Variants in PIWIL3 observed in about 807,000 individuals in gnomAD.
PIWIL3 encodes the protein piwi-like protein 3.
A neutral mutation model predicts 109.7 loss-of-function variants in PIWIL3; 101 were observed. The observed-to-expected ratio is 0.92, with a 90% confidence interval of 0.78 to 1.09. PIWIL3 has a LOEUF of 1.09. Ranked by LOEUF, PIWIL3 falls within the 50% of genes least tolerant of loss-of-function variation. The probability of loss-of-function intolerance (pLI) is 0.00; values close to 1 mark genes in which losing one functional copy is unlikely to be tolerated. For missense variants in PIWIL3, 1,031 were observed against 1,072.6 expected (o/e 0.96, Z 0.54); for synonymous variants, 373 against 376.4 (o/e 0.99, Z 0.10).
chr22:24,736,990 A>G (rs576192444), intron 12 of PIWIL3, among the ~76,000 whole-genome samples: 1 of 152,154 alleles, frequency 6.6e-6, no homozygotes, highest in Non-Finnish European at 1.5e-5. Flanking sequence ...GAACCTGAGA[A>G]ACAGTTTAGG....
rs774391915 is a variant in PIWIL3, at chr22:24,754,829, C to T, written c.728G>A (p.Arg243His). 6.5e-5 allele frequency: 105 copies of T among 1,612,858 alleles called. 1 individual carries two copies. In the South Asian group the frequency reaches 7.9e-4, roughly 12 times the overall value. ...GGCCTTCTTTTTGGTATAATAGTTG[C>T]GACCAACTTGTTCAAAATCCAGCAG... ...FKLLDFEQVG[R>H]NYYTKKKAIQ... The change falls in exon 7 of 21, where the codon CGC (arginine) becomes CAC (histidine). Residue 243 changes from arginine (R) to histidine (H), a missense_variant. By Grantham distance (29) the Arg-to-His change is conservative. Transcript: ENST00000616349.
At position 24,754,889 on chromosome 22, in the gene PIWIL3, G is replaced by T. The variant is rs752221922; in HGVS notation, c.693-25C>A. 2.5e-6 allele frequency: 4 copies of T among 1,588,886 alleles called. No individual in the cohort carries two copies. In the South Asian group the frequency reaches 3.3e-5, roughly 13 times the overall value. On this transcript the variant is annotated intron_variant, in intron 6 of 20. Coordinates refer to ENST00000616349, the MANE Select transcript of PIWIL3 (RefSeq NM_001255975.1). ...TCTGGAAATGGAAAGAATAGATTTT[G>T]TTGAAAGTACAGGGTACATTATTAA...
At chr22:24,731,695 T>C (rs1177402791) in intron 14 of PIWIL3, among the ~76,000 whole-genome samples, 1 of 151,608 alleles carries the variant, frequency 6.6e-6, no homozygotes, top group Non-Finnish European at 1.5e-5. Context: ...TTTAGATAAA[T>C]GCACACTTAG....
chr22:24,755,926 A>C (rs778683426), intron 5 of PIWIL3, 21 bp from the exon 6 acceptor site: 15 of 1,596,560 alleles, frequency 9.4e-6, no homozygotes, highest in Middle Eastern at 1.7e-4. Context: ...AAAAAAACAA[A>C]AAAAAAAGTC....
Position 24,754,084 on chromosome 22 carries a change from C to CAGAT in PIWIL3, c.903_906dup (p.Ala303IlefsTer15). 1 of 1,613,144 alleles carries CAGAT rather than the reference C, an allele frequency of 6.2e-7. No homozygotes were observed. Among genetic ancestry groups the CAGAT allele is most frequent in the South Asian group, 1.1e-5 (1 of 91,052 alleles). The stretch of plus-strand genomic sequence containing the variant: ...CGGATGTTTCCTGTCTGGGCCTGGG[C>CAGAT]AGATGTTCTCTTTATGAAATCATAA... On this transcript the variant is annotated frameshift_variant, in exon 8 of 21. Transcript: ENST00000616349. LOFTEE classifies it high-confidence loss of function.
At position 24,760,803 on chromosome 22, in the gene PIWIL3, A is replaced by AAAAAAAAAAAAT. The variant is rs1925389502; in HGVS notation, c.103-815_103-814insATTTTTTTTTTT. Among the ~76,000 whole-genome samples the AAAAAAAAAAAAT allele has an allele frequency of 2.7e-5, 4 of 146,870 alleles. No homozygotes were observed. In the South Asian group the frequency reaches 6.8e-4, roughly 25 times the overall value. On this transcript the variant is annotated intron_variant, in intron 2 of 20. Coordinates refer to ENST00000616349, the MANE Select transcript of PIWIL3 (RefSeq NM_001255975.1). ...CTCAAAAAAAAAAAAAAAAAAAAAA[A>AAAAAAAAAAAAT]GCTGTGACAGGATACCAGGCAGAGG...
chr22:24,762,806 C>G (rs539861003), intron 1 of PIWIL3, among the ~76,000 whole-genome samples: 1 of 152,266 alleles, frequency 6.6e-6, no homozygotes, highest in Admixed American at 6.5e-5. Context: ...ACTCTAACAA[C>G]CAGCTCAGGC....
chr22:24,771,468 C>T (rs1265424205), intron 1 of PIWIL3, among the ~76,000 whole-genome samples: 2 of 126,080 alleles, frequency 1.6e-5, no homozygotes, highest in Non-Finnish European at 1.7e-5. Context: ...CAGTGCAAGA[C>T]TCCATCTCAA....
chr22:24,729,091 C>A (rs1923174201), intron 14 of PIWIL3, among the ~76,000 whole-genome samples: 1 of 152,164 alleles, frequency 6.6e-6, no homozygotes, highest in Admixed American at 6.5e-5. Flanking sequence ...ACAGTGCGGA[C>A]TCCATGGGAA....
At chr22:24,746,229 TTCA>T (rs1313539095) in intron 12 of PIWIL3, among the ~76,000 whole-genome samples, 3 of 152,122 alleles carry the variant, frequency 2.0e-5, no homozygotes, top group African/African-American at 7.2e-5. Flanking sequence ...GTAAAAAAAG[TTCA>T]TCACCAAGTG....
At chr22:24,746,754 T>C (rs1391994227) in intron 12 of PIWIL3, among the ~76,000 whole-genome samples, 1 of 151,608 alleles carries the variant, frequency 6.6e-6, no homozygotes, top group East Asian at 1.9e-4. Context: ...CCATTTACAA[T>C]AGATAAAAAT....
At chr22:24,758,622 A>G (rs1471653892) in intron 3 of PIWIL3, among the ~76,000 whole-genome samples, 1 of 152,184 alleles carries the variant, frequency 6.6e-6, no homozygotes, top group African/African-American at 2.4e-5. Context: ...AATCCCGTAC[A>G]CCTAAATGGC....
chr22:24,762,335 C>A, intron 2 of PIWIL3, 63 bp downstream of exon 2: 1 of 1,552,404 alleles, frequency 6.4e-7, no homozygotes, highest in South Asian at 1.2e-5. Flanking sequence ...ACAACCAACT[C>A]TATGTTCTTT....
intron 1 of PIWIL3, among the ~76,000 whole-genome samples, chr22:24,768,977 T>C (rs1227010962): frequency 1.3e-5 from 2 of 152,196 alleles, no homozygotes; most frequent in Non-Finnish European, 2.9e-5. Flanking sequence ...TGTCTGTGCC[T>C]GGGACAAAGA....
At chr22:24,735,386 TCTC>T (rs1244245117) in intron 13 of PIWIL3, among the ~76,000 whole-genome samples, 1 of 152,178 alleles carries the variant, frequency 6.6e-6, no homozygotes, top group African/African-American at 2.4e-5. Context: ...AAGTCTCTAA[TCTC>T]CTCTTACTTT....
At chr22:24,769,101 G>A (rs1477103965) in intron 1 of PIWIL3, among the ~76,000 whole-genome samples, 5 of 152,152 alleles carry the variant, frequency 3.3e-5, no homozygotes, top group African/African-American at 1.2e-4. Flanking sequence ...CAAAATCTGT[G>A]GATGCTCAAG....
rs760390299 is a variant in PIWIL3 at position 24,749,789 on chromosome 22, G to A, written c.1120C>T (p.Gln374Ter). ...QHKEIVTVKK[Q>*]PLLVSQGRWK... is the part of the protein sequence containing the mutation. Reference sequence around the variant, plus strand: ...CTGCCCTGGCTGACCAAAAGTGGCTGTTTCTTCACTGTGACAATTTCTTTA... The same window carrying A: ...CTGCCCTGGCTGACCAAAAGTGGCTATTTCTTCACTGTGACAATTTCTTTA... Residue 374 changes from glutamine (Q) to a stop codon, truncating the protein, a stop_gained, in exon 10 of 21, where the codon CAG becomes TAG. Coordinates refer to ENST00000616349, the MANE Select transcript of PIWIL3 (RefSeq NM_001255975.1). LOFTEE classifies it high-confidence loss of function. The A allele has an allele frequency of 6.2e-7, 1 of 1,613,952 alleles. No individual in the cohort carries two copies. Among genetic ancestry groups the A allele is most frequent in the Non-Finnish European group, 8.5e-7 (1 of 1,179,986 alleles).
chr22:24,761,371 G>A (rs1035893424), intron 2 of PIWIL3, among the ~76,000 whole-genome samples: 5 of 152,284 alleles, frequency 3.3e-5, no homozygotes, highest in African/African-American at 4.8e-5. Flanking sequence ...AACGCCAAGC[G>A]GAGGGAGTTG....
chr22:24,722,244 G>A lies in PIWIL3; in HGVS notation c.2357+886C>T, dbSNP rs937098611. On this transcript the variant is annotated intron_variant, in intron 19 of 20. Coordinates refer to ENST00000616349, the MANE Select transcript of PIWIL3 (RefSeq NM_001255975.1). ...ACTACAGGTGCCCGCCACCATGCCC[G>A]GCTAATTTTTTGTATTTTTAGTGGA... is the stretch of plus-strand genomic sequence containing the variant. Among the ~76,000 whole-genome samples, 9 of 152,104 alleles carry A rather than the reference G, an allele frequency of 5.9e-5. No individual in the cohort carries two copies. The East Asian group carries it at 7.8e-4, about 13-fold the overall frequency.
Sources: gnomAD v4.1 joint callset for allele counts (sites outside exome capture counted in the v4.1 genomes callset) on GRCh38, gnomAD v4.1.1 for gene constraint, MANE v1.5 for transcripts, NCBI Gene and HGNC (gene_info 2026-07-23, HGNC 2026-07-21) for gene names.